GLCCI1: variants seen among roughly 807,000 people sequenced by gnomAD.
GLCCI1 encodes the protein glucocorticoid induced 1.
Under a neutral mutation model 52.2 loss-of-function variants are expected in GLCCI1, and 24 were observed. That is an observed-to-expected ratio of 0.46 (90% CI 0.33 to 0.65). The LOEUF (loss-of-function observed/expected upper bound fraction) is 0.65, where lower values mean the gene tolerates loss of function less well. Among genes scored for constraint, GLCCI1 ranks in the 30% least tolerant of loss-of-function variants. The pLI is 0.02. For missense variants in GLCCI1, 704 were observed against 701.5 expected, an observed-to-expected ratio of 1.00 and a Z score of -0.04; for synonymous variants, 310 against 276.5, an observed-to-expected ratio of 1.12 and a Z score of -1.20.
At chr7:8,050,250 C>T (rs2127957438) in intron 3 of GLCCI1, among the ~76,000 whole-genome samples, 2 of 152,182 alleles carry the variant, frequency 1.3e-5, no homozygotes, top group South Asian at 4.1e-4. Context: ...TTTCTTTGTG[C>T]ATGTTTGTGT....
At chr7:8,073,223 T>C (rs145784321) in intron 6 of GLCCI1, among the ~76,000 whole-genome samples, 5 of 152,280 alleles carry the variant, frequency 3.3e-5, no homozygotes, top group Non-Finnish European at 7.4e-5. Context: ...ATTTAATGAA[T>C]GGTAGCTGCT....
At chr7:8,085,716 CT>C (rs1454929844) in intron 7 of GLCCI1, among the ~76,000 whole-genome samples, 1 of 115,480 alleles carries the variant, frequency 8.7e-6, no homozygotes, top group Non-Finnish European at 1.7e-5. Context: ...AATTGACTGG[CT>C]TTTTGAGAGA....
chr7:8,043,093 G>A (rs74371375), intron 3 of GLCCI1, among the ~76,000 whole-genome samples: 2,136 of 152,304 alleles, frequency 0.014, 38 homozygotes, highest in African/African-American at 0.045. Context: ...AGACTCAGAT[G>A]ATCATTAGCA....
chr7:8,053,256 C>T (rs1162389694), intron 3 of GLCCI1, among the ~76,000 whole-genome samples: 1 of 150,974 alleles, frequency 6.6e-6, no homozygotes, highest in Non-Finnish European at 1.5e-5. Context: ...CCTTGTGACC[C>T]AGGATCACTT....
intron 6 of GLCCI1, among the ~76,000 whole-genome samples, chr7:8,082,403 A>G (rs1783014843): frequency 1.3e-5 from 2 of 152,186 alleles, no homozygotes; most frequent in Admixed American, 1.3e-4. Flanking sequence ...TACTCCAGGT[A>G]ACATAGAACT....
chr7:8,072,699 T>C (rs528315421), intron 6 of GLCCI1, among the ~76,000 whole-genome samples: 1 of 152,312 alleles, frequency 6.6e-6, no homozygotes, highest in Non-Finnish European at 1.5e-5. Flanking sequence ...CATTCCAAAC[T>C]CATATTCTTT....
intron 1 of GLCCI1, among the ~76,000 whole-genome samples, chr7:7,981,391 C>T (rs565590442): frequency 1.3e-5 from 2 of 152,090 alleles, no homozygotes; most frequent in South Asian, 2.1e-4. Flanking sequence ...GGCACGATCT[C>T]GGCTCACTGC....
At chr7:7,977,800 ACCT>A (rs991094334) in intron 1 of GLCCI1, among the ~76,000 whole-genome samples, 44 of 152,294 alleles carry the variant, frequency 2.9e-4, no homozygotes, top group African/African-American at 1.0e-3. Context: ...ACTTTTATTA[ACCT>A]CTTTTCACAG....
intron 1 of GLCCI1, among the ~76,000 whole-genome samples, chr7:7,982,899 G>A (rs1780650398): frequency 6.6e-6 from 1 of 152,046 alleles, no homozygotes; most frequent in South Asian, 2.1e-4. Flanking sequence ...GAGTTATAGT[G>A]CTTGATCATG....
chr7:8,078,768 C>G (rs1381210026), intron 6 of GLCCI1: 1 of 152,004 alleles, frequency 6.6e-6, no homozygotes, highest in Non-Finnish European at 1.5e-5. Flanking sequence ...AGGAGGAGAT[C>G]AGGATAACAG....
At chr7:8,021,784 A>G (rs1781497274) in intron 2 of GLCCI1, among the ~76,000 whole-genome samples, 1 of 152,236 alleles carries the variant, frequency 6.6e-6, no homozygotes. Context: ...TTTGTGTTAC[A>G]TTTGAGGATA....
chr7:8,078,139 C>T (rs546667683), intron 6 of GLCCI1, among the ~76,000 whole-genome samples: 2 of 139,100 alleles, frequency 1.4e-5, no homozygotes, highest in South Asian at 2.2e-4. Context: ...GAGGCTGAGG[C>T]AGGAGAATGG....
Position 7,976,499 on chromosome 7 carries a change from G to A in GLCCI1, c.457+6692G>A, listed in dbSNP as rs117374405. Among the ~76,000 whole-genome samples, 661 of 70,724 alleles carry A rather than the reference G, an allele frequency of 9.3e-3. 5 individuals are homozygous for A. Among genetic ancestry groups the A allele is most frequent in the Middle Eastern group, 0.034 (4 of 118 alleles). 46.4% of individuals were successfully genotyped at this position (70,724 alleles called of 152,430 possible). The stretch of plus-strand genomic sequence containing the variant: ...CATCTCAAAAAAAAAAAAAAAAAAA[G>A]GAAAGGAAAAAGGAAAGGAGAAAGG... On this transcript the variant is annotated intron_variant, in intron 1 of 7. Coordinates refer to ENST00000223145, the MANE Select transcript of GLCCI1 (RefSeq NM_138426.4).
chr7:8,084,976 C>A lies in GLCCI1; in HGVS notation c.1257C>A (p.Pro419=). The change falls in exon 7 of 8, where the codon CCC becomes CCA. Residue 419 remains proline (P), a synonymous_variant. Transcript: ENST00000223145. The stretch of plus-strand genomic sequence containing the variant: ...ACAGCTACATGTTCAAACGGGAGCC[C>A]CCAGAGGGATGTGAGCGAGTGAAGG... The part of the protein sequence containing the change: ...PNNSYMFKRE[P]PEGCERVKVF... 6.2e-7 allele frequency: 1 copy of A among 1,614,012 alleles called. No individual in the cohort carries two copies. The highest frequency in any genetic ancestry group is 8.5e-7 in the Non-Finnish European group (1 of 1,179,982).
chr7:8,062,170 A>G (rs532296523), intron 5 of GLCCI1, among the ~76,000 whole-genome samples: 1 of 152,336 alleles, frequency 6.6e-6, no homozygotes, highest in African/African-American at 2.4e-5. Flanking sequence ...AATTGTAGCC[A>G]TATCAGAATC....
At chr7:8,060,717 C>A (rs1378369574) in intron 5 of GLCCI1, among the ~76,000 whole-genome samples, 1 of 152,156 alleles carries the variant, frequency 6.6e-6, no homozygotes, top group Non-Finnish European at 1.5e-5. Context: ...TTTATTCAGT[C>A]ATCAATTAAT....
At chr7:8,080,842 T>TC (rs1212455842) in intron 6 of GLCCI1, among the ~76,000 whole-genome samples, 2 of 111,256 alleles carry the variant, frequency 1.8e-5, no homozygotes, top group East Asian at 6.7e-4. Context: ...GGTTTTGGGG[T>TC]TTTTTTTTTT....
chr7:7,974,154 C>T (rs1443921982), intron 1 of GLCCI1, among the ~76,000 whole-genome samples: 1 of 152,114 alleles, frequency 6.6e-6, no homozygotes, highest in Non-Finnish European at 1.5e-5. Context: ...TAGAGAGCAG[C>T]AGTGTTCATT....
chr7:8,019,627 G>C (rs1210407753), intron 2 of GLCCI1, among the ~76,000 whole-genome samples: 1 of 152,040 alleles, frequency 6.6e-6, no homozygotes, highest in Non-Finnish European at 1.5e-5. Flanking sequence ...GAACATCATA[G>C]AGTGTACTTA....
Sources: allele counts gnomAD v4.1 joint callset (sites outside exome capture counted in the v4.1 genomes callset), GRCh38; gene constraint gnomAD v4.1.1; transcripts MANE v1.5; gene names NCBI Gene and HGNC (gene_info 2026-07-23, HGNC 2026-07-21).